DPP10: variants seen among roughly 807,000 people sequenced by gnomAD.
The protein encoded by DPP10 is dipeptidyl peptidase like 10.
A neutral mutation model predicts 120.9 loss-of-function variants in DPP10; 33 were observed. That is an observed-to-expected ratio of 0.27 (90% confidence interval 0.21 to 0.37). The LOEUF (loss-of-function observed/expected upper bound fraction) is 0.37, where lower values mean the gene tolerates loss of function less well. Ranked by LOEUF, DPP10 falls within the 10% of genes least tolerant of loss-of-function variation. The pLI is 1.00. For synonymous variants in DPP10, 337 were observed against 326.1 expected (o/e 1.03, Z -0.36); for missense variants, 816 against 942.8 (o/e 0.87, Z 1.76).
chr2:114,510,856 T>C (rs956313208), intron 1 of DPP10, among the ~76,000 whole-genome samples: 4 of 152,244 alleles, frequency 2.6e-5, no homozygotes, highest in South Asian at 2.1e-4. Flanking sequence ...GTGACAATTG[T>C]ACACTCAAAC....
At chr2:115,709,339 T>C (rs1255646601) in intron 7 of DPP10, among the ~76,000 whole-genome samples, 1 of 152,042 alleles carries the variant, frequency 6.6e-6, no homozygotes, top group Non-Finnish European at 1.5e-5. Flanking sequence ...GGGTAACTAG[T>C]GGTGTGCACG....
intron 5 of DPP10, among the ~76,000 whole-genome samples, chr2:115,647,169 T>C (rs1350480367): frequency 6.6e-6 from 1 of 152,086 alleles, no homozygotes; most frequent in East Asian, 1.9e-4. Context: ...TCAGGGCCTA[T>C]CCTTTGCTTA....
At chr2:114,927,211 G>A (rs1002875283) in intron 1 of DPP10, among the ~76,000 whole-genome samples, 6 of 151,974 alleles carry the variant, frequency 3.9e-5, no homozygotes, top group African/African-American at 7.3e-5. Context: ...ATGCAACACT[G>A]TATCTCATGC....
chr2:115,171,377 AAAG>A (rs2053321915), intron 1 of DPP10, among the ~76,000 whole-genome samples: 1 of 151,690 alleles, frequency 6.6e-6, no homozygotes, highest in Admixed American at 6.6e-5. Context: ...AAAAAAAAGA[AAAG>A]AAAAGAAAAG....
intron 1 of DPP10, among the ~76,000 whole-genome samples, chr2:114,638,242 T>G (rs993400327): frequency 2.0e-5 from 3 of 151,840 alleles, no homozygotes; most frequent in African/African-American, 7.3e-5. Context: ...TTTGCAGCTA[T>G]TGTAAATGAG....
chr2:114,500,301 A>G (rs1683042402), intron 1 of DPP10, among the ~76,000 whole-genome samples: 1 of 152,228 alleles, frequency 6.6e-6, no homozygotes, highest in Admixed American at 6.5e-5. Flanking sequence ...AACAAATCCC[A>G]GAAGAGAATT....
intron 4 of DPP10, among the ~76,000 whole-genome samples, chr2:115,515,141 A>G (rs2077434191): frequency 6.6e-6 from 1 of 151,984 alleles, no homozygotes; most frequent in Non-Finnish European, 1.5e-5. Context: ...ATGTATTACC[A>G]CTGGTTTAAA....
chr2:115,359,044 T>A (rs2064598015), intron 3 of DPP10, among the ~76,000 whole-genome samples: 1 of 152,176 alleles, frequency 6.6e-6, no homozygotes, highest in Non-Finnish European at 1.5e-5. Context: ...ATGAGATGGG[T>A]TTCTTGAAGA....
chr2:115,541,402 G>A (rs1460388508), intron 5 of DPP10, among the ~76,000 whole-genome samples: 2 of 151,604 alleles, frequency 1.3e-5, no homozygotes, highest in East Asian at 1.9e-4. Context: ...GGTTATTGAG[G>A]CATATTACTG....
At chr2:114,509,392 G>A (rs1045128606) in intron 1 of DPP10, among the ~76,000 whole-genome samples, 1 of 152,130 alleles carries the variant, frequency 6.6e-6, no homozygotes, top group African/African-American at 2.4e-5. Context: ...AACCCTGTAA[G>A]GAAGGATTTT....
chr2:115,451,182 A>G (rs1425812696), intron 3 of DPP10, among the ~76,000 whole-genome samples: 3 of 151,934 alleles, frequency 2.0e-5, no homozygotes, highest in Non-Finnish European at 1.5e-5. Context: ...ATCTGTTTAC[A>G]TTGACTTACC....
intron 1 of DPP10, among the ~76,000 whole-genome samples, chr2:114,445,798 C>A (rs1253595580): frequency 6.6e-6 from 1 of 152,126 alleles, no homozygotes; most frequent in East Asian, 1.9e-4. Flanking sequence ...GTTACTGACA[C>A]ACTTTTCCTG....
intron 5 of DPP10, among the ~76,000 whole-genome samples, chr2:115,547,385 A>G (rs886239130): frequency 2.0e-5 from 3 of 152,188 alleles, no homozygotes; most frequent in Non-Finnish European, 4.4e-5. Context: ...CCGTGATACG[A>G]TGGCAGCTTC....
At chr2:115,575,001 T>C (rs1206393304) in intron 5 of DPP10, among the ~76,000 whole-genome samples, 1 of 152,208 alleles carries the variant, frequency 6.6e-6, no homozygotes, top group Non-Finnish European at 1.5e-5. Flanking sequence ...CCCTGAGAAC[T>C]GGTTTTGCTA....
At chr2:115,691,445 A>G (rs910220431) in intron 7 of DPP10, among the ~76,000 whole-genome samples, 1 of 152,092 alleles carries the variant, frequency 6.6e-6, no homozygotes, top group Non-Finnish European at 1.5e-5. Context: ...ATGGCCAACA[A>G]TTGTCCTGAA....
At chr2:115,400,888 G>A (rs2068025644) in intron 3 of DPP10, among the ~76,000 whole-genome samples, 1 of 152,166 alleles carries the variant, frequency 6.6e-6, no homozygotes, top group Non-Finnish European at 1.5e-5. Context: ...CAGTTTCGAG[G>A]CTATGCATGG....
intron 3 of DPP10, among the ~76,000 whole-genome samples, chr2:115,467,677 A>G (rs1023606653): frequency 9.1e-4 from 139 of 152,288 alleles, no homozygotes; most frequent in Non-Finnish European, 1.3e-3. Flanking sequence ...GCAATTTAAT[A>G]TGATGAACTT....
At chr2:114,908,599 A>G (rs901082741) in intron 1 of DPP10, among the ~76,000 whole-genome samples, 2 of 151,782 alleles carry the variant, frequency 1.3e-5, no homozygotes, top group African/African-American at 4.8e-5. Context: ...TTGTGCTACT[A>G]TTGAATATTT....
intron 3 of DPP10, among the ~76,000 whole-genome samples, chr2:115,401,488 T>C (rs1187351603): frequency 1.3e-5 from 2 of 151,992 alleles, no homozygotes; most frequent in Non-Finnish European, 2.9e-5. Flanking sequence ...GAGGTTGAAG[T>C]GGGAAGGTCA....
Sources: allele counts gnomAD v4.1 joint callset (sites outside exome capture counted in the v4.1 genomes callset), GRCh38; gene constraint gnomAD v4.1.1; transcripts MANE v1.5; gene names NCBI Gene and HGNC (gene_info 2026-07-23, HGNC 2026-07-21).